The following SPAG16 variants were observed in gnomAD, a reference collection of about 807,000 sequenced individuals.
SPAG16 encodes the protein sperm-associated antigen 16 protein.
A neutral mutation model predicts 80.4 loss-of-function variants in SPAG16; 86 were observed. The ratio of observed to expected loss-of-function variants is 1.07; its 90% CI spans 0.90 to 1.28. The LOEUF is 1.28. Among genes scored for constraint, SPAG16 ranks in the 50% most tolerant of loss-of-function variants. The pLI is 0.00. For missense variants in SPAG16, 870 were observed against 765.3 expected (o/e 1.14, Z -1.61); for synonymous variants, 294 against 265.9 (o/e 1.11, Z -1.03).
chr2:213,398,697 G>T (rs917462591), intron 9 of SPAG16, among the ~76,000 whole-genome samples: 1 of 151,862 alleles, frequency 6.6e-6, no homozygotes, highest in African/African-American at 2.4e-5. Flanking sequence ...GCACTTCTTT[G>T]GCCTCTATCC....
At chr2:213,933,960 G>C (rs1487752568) in intron 12 of SPAG16, among the ~76,000 whole-genome samples, 2 of 152,150 alleles carry the variant, frequency 1.3e-5, no homozygotes, top group African/African-American at 4.8e-5. Context: ...AGTCCTCAGA[G>C]CCCCAAACTT....
At position 213,506,916 on chromosome 2, in the gene SPAG16, A is replaced by G. The variant is rs570080690; in HGVS notation, c.1070+16826A>G. On this transcript the variant is annotated intron_variant, in intron 10 of 15. Coordinates refer to ENST00000331683, the MANE Select transcript of SPAG16 (RefSeq NM_024532.5). Reference sequence around the variant, plus strand: ...TCATGGTAGCAAAATGGCTGAAGCAATTTTAGACATCATATGCTTTCACAA... The same window carrying G: ...TCATGGTAGCAAAATGGCTGAAGCAGTTTTAGACATCATATGCTTTCACAA... 2.6e-5 allele frequency among the ~76,000 whole-genome samples: 4 copies of G among 152,304 alleles called. No homozygotes were observed. The South Asian group carries it at 6.2e-4, about 24-fold the overall frequency.
intron 10 of SPAG16, among the ~76,000 whole-genome samples, chr2:213,799,280 T>G (rs1026008361): frequency 1.3e-5 from 2 of 152,174 alleles, no homozygotes; most frequent in Non-Finnish European, 2.9e-5. Flanking sequence ...GTATAAATTT[T>G]TCACTTATTT....
At chr2:214,110,292 C>G (rs985222526) in intron 14 of SPAG16, among the ~76,000 whole-genome samples, 3 of 151,992 alleles carry the variant, frequency 2.0e-5, no homozygotes, top group Non-Finnish European at 4.4e-5. Context: ...CTCCCCCAGC[C>G]CCCACCCCTG....
chr2:214,280,676 C>A, intron 15 of SPAG16: 1 of 314,396 alleles, frequency 3.2e-6, no homozygotes, highest in Non-Finnish European at 6.2e-6. Flanking sequence ...AGGAAGCTTG[C>A]CTTCTTTTGA....
chr2:213,363,965 G>T (rs957372486), intron 7 of SPAG16, 111 bp from the exon 8 acceptor site: 7 of 377,362 alleles, frequency 1.9e-5, no homozygotes, highest in Non-Finnish European at 1.9e-5. Flanking sequence ...AAATTTAAAA[G>T]AGATTAATAT....
At chr2:214,158,302 A>T (rs1487103952) in intron 15 of SPAG16, among the ~76,000 whole-genome samples, 2 of 152,084 alleles carry the variant, frequency 1.3e-5, no homozygotes, top group African/African-American at 4.8e-5. Flanking sequence ...AAAATAAAAC[A>T]TCAAAATGTA....
At chr2:214,019,756 C>T (rs2047765657) in intron 13 of SPAG16, among the ~76,000 whole-genome samples, 1 of 152,018 alleles carries the variant, frequency 6.6e-6, no homozygotes, top group Non-Finnish European at 1.5e-5. Context: ...AAGCTTGTAC[C>T]TCTCTCTTTT....
chr2:213,407,627 GAGAGAGAGAGAGAC>G (rs756018121), intron 9 of SPAG16, among the ~76,000 whole-genome samples: 27,669 of 142,720 alleles, frequency 0.19, 3,535 homozygotes, highest in Non-Finnish European at 0.28. Flanking sequence ...GAGAGAGAGA[GAGAGAGAGAGAGAC>G]AGACAGACAG....
At chr2:213,888,769 C>T (rs866512813) in intron 11 of SPAG16, among the ~76,000 whole-genome samples, 2 of 151,834 alleles carry the variant, frequency 1.3e-5, no homozygotes, top group Non-Finnish European at 2.9e-5. Flanking sequence ...AGGGCACATA[C>T]AATTCATTTA....
chr2:213,649,272 G>C (rs2062937862), intron 10 of SPAG16, among the ~76,000 whole-genome samples: 1 of 152,212 alleles, frequency 6.6e-6, no homozygotes, highest in African/African-American at 2.4e-5. Flanking sequence ...AAAAATAGTA[G>C]ACTTTTATGA....
chr2:214,065,687 G>C (rs574431794), intron 13 of SPAG16, among the ~76,000 whole-genome samples: 2 of 152,140 alleles, frequency 1.3e-5, no homozygotes, highest in East Asian at 3.9e-4. Flanking sequence ...TACTTAACAG[G>C]GGAATATTTA....
At chr2:213,425,448 G>C (rs1439376205) in intron 9 of SPAG16, among the ~76,000 whole-genome samples, 1 of 152,096 alleles carries the variant, frequency 6.6e-6, no homozygotes, top group Non-Finnish European at 1.5e-5. Flanking sequence ...TCAGGAGTTT[G>C]AGATCAGTAT....
chr2:213,696,107 T>A lies in SPAG16; in HGVS notation c.1071-166378T>A, dbSNP rs577611651. Among the ~76,000 whole-genome samples, 252 of 152,286 alleles carry A rather than the reference T, an allele frequency of 1.7e-3. 2 individuals are homozygous for A. Among genetic ancestry groups the A allele is most frequent in the Non-Finnish European group, 3.2e-3 (217 of 67,998 alleles). On this transcript the variant is annotated intron_variant, in intron 10 of 15. Coordinates refer to ENST00000331683, the MANE Select transcript of SPAG16 (RefSeq NM_024532.5). The stretch of plus-strand genomic sequence containing the variant: ...AGGGTAAAGCCAAAAGATTTGCTGA[T>A]CTATGGATATGGAAGTTAAGAGAAA...
chr2:213,882,552 T>TCTTGGGAGATCTTGGGAGATATTGGCC, intron 11 of SPAG16, among the ~76,000 whole-genome samples: 1 of 152,346 alleles, frequency 6.6e-6, no homozygotes, highest in Admixed American at 6.5e-5. Context: ...TTGGTTCTAG[T>TCTTGGGAGATCTTGGGAGATATTGGCC]AAGATATATT....
In SPAG16 at chr2:213,691,519, G is replaced by C. The variant is rs182771863; in HGVS notation, c.1071-170966G>C. On this transcript the variant is annotated intron_variant, in intron 10 of 15. Coordinates refer to ENST00000331683, the MANE Select transcript of SPAG16 (RefSeq NM_024532.5). ...CAGACTAAAGCCCTGGCTGATATCT[G>C]TCTGTAAACACATGAGAAACTGTAA... Among the ~76,000 whole-genome samples the C allele has an allele frequency of 6.6e-5, 10 of 152,224 alleles. No homozygotes were observed. The East Asian group carries it at 1.9e-3, about 29-fold the overall frequency.
chr2:213,369,559 A>T (rs2066517618), intron 8 of SPAG16, among the ~76,000 whole-genome samples: 1 of 150,160 alleles, frequency 6.7e-6, no homozygotes, highest in Non-Finnish European at 1.5e-5. Flanking sequence ...AAATTTAAGT[A>T]TACCTGTGTT....
At chr2:214,062,416 C>T (rs181047374) in intron 13 of SPAG16, among the ~76,000 whole-genome samples, 798 of 74,774 alleles carry the variant, frequency 0.011, 11 homozygotes, top group African/African-American at 0.049. Flanking sequence ...ACGACTCTGA[C>T]TCAAAAAAAA....
At chr2:214,028,362 G>A (rs1255639308) in intron 13 of SPAG16, among the ~76,000 whole-genome samples, 1 of 152,068 alleles carries the variant, frequency 6.6e-6, no homozygotes, top group Non-Finnish European at 1.5e-5. Context: ...TTGGCAGATA[G>A]ATGATGGAGC....
Sources: gnomAD v4.1 joint callset for allele counts (sites outside exome capture counted in the v4.1 genomes callset) on GRCh38, gnomAD v4.1.1 for gene constraint, MANE v1.5 for transcripts, NCBI Gene and HGNC (gene_info 2026-07-23, HGNC 2026-07-21) for gene names.